RALGAPA1: variants seen among roughly 807,000 people sequenced by gnomAD.
RALGAPA1 encodes ral GTPase-activating protein subunit alpha-1.
RALGAPA1 carries 52 observed loss-of-function variants against 269.6 expected under a neutral mutation model. The ratio of observed to expected loss-of-function variants is 0.19; its 90% CI spans 0.15 to 0.24. The LOEUF is 0.24. Ranked by LOEUF, RALGAPA1 falls within the 10% of genes least tolerant of loss-of-function variation. RALGAPA1 has a pLI of 1.00. For synonymous variants in RALGAPA1, 817 were observed against 1,008.3 expected, an observed-to-expected ratio of 0.81 and a Z score of 3.60; for missense variants, 1,917 against 3,013.9, an observed-to-expected ratio of 0.64 and a Z score of 8.52.
At chr14:35,726,644 A>G (rs2069939454) in intron 13 of RALGAPA1, among the ~76,000 whole-genome samples, 1 of 152,194 alleles carries the variant, frequency 6.6e-6, no homozygotes, top group South Asian at 2.1e-4. Context: ...TCAATGTAAA[A>G]TATATGAAAA....
chr14:35,770,919 A>T, intron 4 of RALGAPA1, 23 bp downstream of exon 4: 5 of 1,024,124 alleles, frequency 4.9e-6, no homozygotes, highest in Non-Finnish European at 7.1e-6. Flanking sequence ...TTCAAATATG[A>T]AATACATATT....
intron 35 of RALGAPA1, among the ~76,000 whole-genome samples, chr14:35,622,764 G>T (rs1279636105): frequency 1.3e-5 from 2 of 152,094 alleles, no homozygotes; most frequent in Non-Finnish European, 2.9e-5. Flanking sequence ...AATGAATAAA[G>T]AATTAAATGT....
At chr14:35,735,072 C>T (rs1230149762) in intron 12 of RALGAPA1, among the ~76,000 whole-genome samples, 2 of 151,412 alleles carry the variant, frequency 1.3e-5, no homozygotes, top group African/African-American at 2.4e-5. Flanking sequence ...TAGATGCTGG[C>T]ATGGATGTGG....
intron 13 of RALGAPA1, among the ~76,000 whole-genome samples, chr14:35,726,969 T>C (rs1404195412): frequency 1.3e-5 from 2 of 152,086 alleles, no homozygotes; most frequent in Non-Finnish European, 2.9e-5. Flanking sequence ...TAAGAAAATA[T>C]GTGTAAAGTG....
rs1333857413 is a variant in RALGAPA1 at position 35,750,465 on chromosome 14, C to A, written c.1011+17G>T. On this transcript the variant is annotated intron_variant, in intron 9 of 41. Coordinates refer to ENST00000680220, the MANE Select transcript of RALGAPA1 (RefSeq NM_001346249.2). ...GCCATTTCTAACTTTAACAGGCCTGCCTCATTTGTGCATTACCTGAATATT... is the reference window on the plus strand; with the variant it reads ...GCCATTTCTAACTTTAACAGGCCTGACTCATTTGTGCATTACCTGAATATT... 1.9e-6 allele frequency: 3 copies of A among 1,604,968 alleles called. No individual in the cohort carries two copies. Among genetic ancestry groups the A allele is most frequent in the Admixed American group, 1.7e-5 (1 of 59,730 alleles).
At chr14:35,542,865 A>G (rs1044521634) in intron 41 of RALGAPA1, among the ~76,000 whole-genome samples, 3 of 152,202 alleles carry the variant, frequency 2.0e-5, no homozygotes, top group Non-Finnish European at 4.4e-5. Flanking sequence ...ACAATAAACT[A>G]TTATTACAAT....
At chr14:35,605,816 A>T (rs1417836668) in intron 35 of RALGAPA1, 107 bp from the exon 36 acceptor site, 5 of 1,315,950 alleles carry the variant, frequency 3.8e-6, no homozygotes, top group Non-Finnish European at 5.2e-6. Flanking sequence ...AAGATGAAAA[A>T]GAATTAGATC....
chr14:35,591,170 T>A (rs1470708787), intron 37 of RALGAPA1, among the ~76,000 whole-genome samples: 2 of 152,218 alleles, frequency 1.3e-5, no homozygotes, highest in Admixed American at 1.3e-4. Context: ...ATCAATATCA[T>A]TCTATGATAC....
chr14:35,539,685 A>G lies in RALGAPA1; in HGVS notation c.*29T>C. The G allele has an allele frequency of 1.2e-6, 2 of 1,613,914 alleles. No individual in the cohort carries two copies. Among genetic ancestry groups the G allele is most frequent in the Non-Finnish European group, 1.7e-6 (2 of 1,179,916 alleles). ...GTTTCACTGGGTAGAATCTCTGGGTAGGAGCCTGTAGGAAACAGCAAGAGC... is the reference window on the plus strand; with the variant it reads ...GTTTCACTGGGTAGAATCTCTGGGTGGGAGCCTGTAGGAAACAGCAAGAGC... On this transcript the variant is annotated 3_prime_UTR_variant, in exon 42 of 42. Transcript: ENST00000680220.
chr14:35,682,606 G>A (rs145386686), intron 21 of RALGAPA1, among the ~76,000 whole-genome samples: 45 of 152,112 alleles, frequency 3.0e-4, no homozygotes, highest in Middle Eastern at 3.4e-3. Context: ...ATGCCCGGCC[G>A]TCAGTGTTTT....
intron 1 of RALGAPA1, among the ~76,000 whole-genome samples, chr14:35,782,374 G>C (rs1452621605): frequency 6.6e-6 from 1 of 152,166 alleles, no homozygotes; most frequent in Non-Finnish European, 1.5e-5. Context: ...ATGCTGTTAA[G>C]ATAGCAACAG....
At chr14:35,659,432 TAATTAAAGTAG>T (rs1476227365) in intron 27 of RALGAPA1, among the ~76,000 whole-genome samples, 4 of 152,082 alleles carry the variant, frequency 2.6e-5, no homozygotes, top group African/African-American at 9.7e-5. Flanking sequence ...TAAAGGCAGG[TAATTAAAGTAG>T]AATTAATAGC....
intron 31 of RALGAPA1, among the ~76,000 whole-genome samples, chr14:35,648,134 C>A (rs1182379431): frequency 2.7e-5 from 4 of 149,912 alleles, no homozygotes; most frequent in Non-Finnish European, 5.9e-5. Context: ...AAAAAAAAAC[C>A]AACCAAAAAA....
At chr14:35,727,364 CTG>C (rs2070058317) in intron 13 of RALGAPA1, among the ~76,000 whole-genome samples, 1 of 133,860 alleles carries the variant, frequency 7.5e-6, no homozygotes, top group Non-Finnish European at 1.6e-5. Flanking sequence ...TACTATATAA[CTG>C]TGTGTGTGGT....
At position 35,619,023 on chromosome 14, in the gene RALGAPA1, T is replaced by A. The variant is rs551035488; in HGVS notation, c.6929+6338A>T. 3.9e-5 allele frequency among the ~76,000 whole-genome samples: 6 copies of A among 152,104 alleles called. No homozygotes were observed. In the South Asian group the frequency reaches 1.2e-3, roughly 32 times the overall value. ...TGAAAAACAACAGCATAATTTTAAA[T>A]GTATCTGGAAGAATAAGTAGGTGAG... On this transcript the variant is annotated intron_variant, in intron 35 of 41. Coordinates refer to ENST00000680220, the MANE Select transcript of RALGAPA1 (RefSeq NM_001346249.2).
At chr14:35,808,621 T>G (rs1378000332) in intron 1 of RALGAPA1, 109 bp downstream of exon 1, 16 of 1,187,412 alleles carry the variant, frequency 1.3e-5, no homozygotes, top group Middle Eastern at 3.8e-4. Context: ...AGGCTACGAT[T>G]TGCCCTCTCC....
intron 37 of RALGAPA1, among the ~76,000 whole-genome samples, chr14:35,575,002 C>A (rs777353344): frequency 5.9e-5 from 9 of 151,962 alleles, no homozygotes; most frequent in Admixed American, 5.9e-4. Context: ...GTGGCATACA[C>A]CTGTAATCCC....
intron 10 of RALGAPA1, among the ~76,000 whole-genome samples, chr14:35,747,184 CT>C (rs1470673669): frequency 2.6e-5 from 4 of 152,008 alleles, no homozygotes; most frequent in South Asian, 2.1e-4. Context: ...CAATTAAATA[CT>C]GCATTTATGG....
At chr14:35,585,865 T>C (rs1423288443) in intron 37 of RALGAPA1, among the ~76,000 whole-genome samples, 2 of 152,250 alleles carry the variant, frequency 1.3e-5, no homozygotes, top group East Asian at 1.9e-4. Flanking sequence ...CCTTGTAGTA[T>C]AGTTTGAAGT....
Sources: allele counts gnomAD v4.1 joint callset (sites outside exome capture counted in the v4.1 genomes callset), GRCh38; gene constraint gnomAD v4.1.1; transcripts MANE v1.5; gene names NCBI Gene and HGNC (gene_info 2026-07-23, HGNC 2026-07-21).